The following ZNF675 variants were observed in gnomAD, a reference collection of about 807,000 sequenced individuals.
The protein encoded by ZNF675 is TRAF6 inhibitory zinc finger.
ZNF675 carries 36 observed loss-of-function variants against 56.1 expected under a neutral mutation model. The observed-to-expected ratio is 0.64, with a 90% CI of 0.49 to 0.85. The LOEUF (loss-of-function observed/expected upper bound fraction) is 0.85, where lower values mean the gene tolerates loss of function less well. ZNF675 is among the 40% of genes least tolerant of loss of function. The pLI is 0.00. For missense variants in ZNF675, 663 were observed against 654.2 expected, an observed-to-expected ratio of 1.01 and a Z score of -0.15; for synonymous variants, 200 against 218.9, an observed-to-expected ratio of 0.91 and a Z score of 0.76.
At chr19:23,674,417 C>T (rs1050495288) in intron 1 of ZNF675, among the ~76,000 whole-genome samples, 21 of 149,918 alleles carry the variant, frequency 1.4e-4, no homozygotes, top group Non-Finnish European at 3.0e-4. Context: ...CTGAGGCAGG[C>T]GGATCACCTG....
chr19:23,687,037 T>C lies in ZNF675; in HGVS notation c.-4A>G, dbSNP rs1846959015. 1.2e-6 allele frequency: 2 copies of C among 1,613,702 alleles called. No individual in the cohort carries two copies. Among genetic ancestry groups the C allele is most frequent in the Non-Finnish European group, 1.7e-6 (2 of 1,179,732 alleles). On this transcript the variant is annotated 5_prime_UTR_variant, in exon 1 of 4. Transcript: ENST00000359788. The stretch of plus-strand genomic sequence containing the variant: ...TCGCACCCGTAACTCTCACCATTTC[T>C]AGGCTTCCAGGGGGTCCTGGAGTCT...
intron 1 of ZNF675, among the ~76,000 whole-genome samples, chr19:23,665,297 A>G (rs1034100887): frequency 6.8e-6 from 1 of 148,126 alleles, no homozygotes; most frequent in Non-Finnish European, 1.5e-5. Flanking sequence ...GTGAGCTGAA[A>G]TCGCACCACT....
chr19:23,674,896 C>T (rs1015192515), intron 1 of ZNF675, among the ~76,000 whole-genome samples: 3 of 150,708 alleles, frequency 2.0e-5, no homozygotes, highest in African/African-American at 4.9e-5. Context: ...CACTTGAACC[C>T]GGGAGGCAGA....
intron 1 of ZNF675, among the ~76,000 whole-genome samples, chr19:23,663,597 C>A (rs1213917065): frequency 6.6e-6 from 1 of 152,066 alleles, no homozygotes; most frequent in Non-Finnish European, 1.5e-5. Flanking sequence ...GAGGCTGAGG[C>A]AGGAGAATCA....
intron 1 of ZNF675, among the ~76,000 whole-genome samples, chr19:23,683,049 C>T (rs1030478363): frequency 2.6e-5 from 4 of 151,200 alleles, no homozygotes; most frequent in South Asian, 4.2e-4. Flanking sequence ...ATTAGCCAGG[C>T]GTGGTGGTGC....
chr19:23,661,037 C>T (rs1968070229), intron 3 of ZNF675, among the ~76,000 whole-genome samples: 2 of 151,572 alleles, frequency 1.3e-5, no homozygotes, highest in East Asian at 3.9e-4. Flanking sequence ...TCAAGCGATT[C>T]TCCTGCCTCA....
At chr19:23,681,666 A>G (rs901742357) in intron 1 of ZNF675, among the ~76,000 whole-genome samples, 1 of 151,842 alleles carries the variant, frequency 6.6e-6, no homozygotes, top group Non-Finnish European at 1.5e-5. Context: ...AGCACAATCC[A>G]CAACACTGTC....
intron 1 of ZNF675, among the ~76,000 whole-genome samples, chr19:23,667,325 A>C (rs1172394734): frequency 2.0e-5 from 3 of 152,020 alleles, no homozygotes; most frequent in Non-Finnish European, 4.4e-5. Flanking sequence ...TATTGCAAAG[A>C]GCTAAAGAAC....
At chr19:23,686,976 A>C (rs1968451219) in intron 1 of ZNF675, 55 bp downstream of exon 1, 1 of 1,610,828 alleles carries the variant, frequency 6.2e-7, no homozygotes, top group Non-Finnish European at 8.5e-7. Flanking sequence ...GCCATTTCCC[A>C]CGGGTTCCAA....
At chr19:23,676,860 G>A (rs1457054011) in intron 1 of ZNF675, among the ~76,000 whole-genome samples, 1 of 150,944 alleles carries the variant, frequency 6.6e-6, no homozygotes, top group Non-Finnish European at 1.5e-5. Flanking sequence ...GGATCACGAG[G>A]TCAGGAGATG....
Position 23,654,560 on chromosome 19 carries a change from G to A in ZNF675, c.373C>T (p.His125Tyr). 1.2e-6 allele frequency: 2 copies of A among 1,611,918 alleles called. No homozygotes were observed. Among genetic ancestry groups the A allele is most frequent in the South Asian group, 1.1e-5 (1 of 90,798 alleles). The change falls in exon 4 of 4, where the codon CAC becomes TAC. Residue 125 changes from histidine to tyrosine, a missense_variant. Coordinates refer to ENST00000359788, the MANE Select transcript of ZNF675 (RefSeq NM_138330.3). ...GCKSVDECKL[H>Y]KGGYNGLNQC... ...TTAAGTCCATTATAACCTCCCTTGT[G>A]CAACTTACATTCATCCACACTTTTA...
chr19:23,681,133 T>A (rs371499749), intron 1 of ZNF675, among the ~76,000 whole-genome samples: 1 of 151,806 alleles, frequency 6.6e-6, no homozygotes, highest in African/African-American at 2.4e-5. Flanking sequence ...GAAGAGATTA[T>A]GAACAGTTGG....
At chr19:23,686,715 G>T (rs373776871) in intron 1 of ZNF675, among the ~76,000 whole-genome samples, 1 of 152,274 alleles carries the variant, frequency 6.6e-6, no homozygotes, top group Non-Finnish European at 1.5e-5. Context: ...CCTGAGTCAG[G>T]ATTCTCCGGT....
chr19:23,657,604 C>A (rs955199610), intron 3 of ZNF675, among the ~76,000 whole-genome samples: 2 of 152,098 alleles, frequency 1.3e-5, no homozygotes, highest in African/African-American at 4.8e-5. Context: ...GTAATCCCAG[C>A]TGCTTGGGAG....
chr19:23,663,278 A>T, intron 1 of ZNF675, 120 bp from the exon 2 acceptor site: 1 of 1,214,092 alleles, frequency 8.2e-7, no homozygotes, highest in Non-Finnish European at 1.1e-6. Context: ...GACTGAAATT[A>T]TCCAATAAAA....
intron 1 of ZNF675, among the ~76,000 whole-genome samples, chr19:23,664,149 G>A (rs1228040793): frequency 6.6e-6 from 1 of 152,104 alleles, no homozygotes; most frequent in Non-Finnish European, 1.5e-5. Flanking sequence ...TAAACGCATG[G>A]CATTCCAGGA....
chr19:23,682,225 G>A (rs972067215), intron 1 of ZNF675, among the ~76,000 whole-genome samples: 1 of 151,710 alleles, frequency 6.6e-6, no homozygotes, highest in Non-Finnish European at 1.5e-5. Flanking sequence ...CTAAGAATAT[G>A]CTAACTTCAG....
chr19:23,661,245 TCCTGATCCGCCCA>T lies in ZNF675; in HGVS notation c.226+856_226+868del, dbSNP rs1968073200. ...GCTTCTTTCTAGTTTTTATCTGACC[TCCTGATCCGCCCA>T]CCTCAGCCTCCCAAAGTGCTGGGAT... On this transcript the variant is annotated intron_variant, in intron 3 of 3. Transcript: ENST00000359788. Among the ~76,000 whole-genome samples, 5 of 152,080 alleles carry T rather than the reference TCCTGATCCGCCCA, an allele frequency of 3.3e-5. No homozygotes were observed. The South Asian group carries it at 1.0e-3, about 32-fold the overall frequency.
chr19:23,666,173 C>T (rs4932884), intron 1 of ZNF675, among the ~76,000 whole-genome samples: 147,967 of 152,300 alleles, frequency 0.97, 72,038 homozygotes, highest in Middle Eastern at 1. Context: ...CCAGAGGCTA[C>T]TGCCTTTGCA....
Sources: allele counts gnomAD v4.1 joint callset (sites outside exome capture counted in the v4.1 genomes callset), GRCh38; gene constraint gnomAD v4.1.1; transcripts MANE v1.5; gene names NCBI Gene and HGNC (gene_info 2026-07-23, HGNC 2026-07-21).